NR5A2: variants seen among roughly 807,000 people sequenced by gnomAD.
The protein encoded by NR5A2 is nuclear receptor subfamily 5 group A member 2, also known as CYP7A promoter-binding factor.
A neutral mutation model predicts 62.7 loss-of-function variants in NR5A2; 26 were observed. The observed-to-expected ratio is 0.41, with a 90% CI of 0.30 to 0.58. The LOEUF (loss-of-function observed/expected upper bound fraction) is 0.58, where lower values mean the gene tolerates loss of function less well. Ranked by LOEUF, NR5A2 falls within the 20% of genes least tolerant of loss-of-function variation. NR5A2 has a pLI of 0.22. For synonymous variants in NR5A2, 246 were observed against 241.7 expected, an observed-to-expected ratio of 1.02 and a Z score of -0.16; for missense variants, 541 against 669.1, an observed-to-expected ratio of 0.81 and a Z score of 2.11.
rs1466995209 is a variant in NR5A2, at chr1:200,177,168, T to A, written c.*2958T>A. 6.6e-6 allele frequency: 1 copy of A among 152,666 alleles called. No individual in the cohort carries two copies. Among genetic ancestry groups the A allele is most frequent in the Non-Finnish European group, 1.5e-5 (1 of 68,046 alleles). The allele number at this position is 152,666 out of a possible 1,614,324, so 9.5% of individuals were successfully genotyped here. On this transcript the variant is annotated 3_prime_UTR_variant, in exon 8 of 8. Coordinates refer to ENST00000367362, the MANE Select transcript of NR5A2 (RefSeq NM_205860.3). Reference sequence around the variant, plus strand: ...ATAAAGGTTTTTGGCTTAACTTGGTTTATTATAGTTGCTCTATGTTTGTAA... The same window carrying A: ...ATAAAGGTTTTTGGCTTAACTTGGTATATTATAGTTGCTCTATGTTTGTAA...
intron 5 of NR5A2, chr1:200,057,828 A>G (rs1662988762): frequency 1.3e-5 from 2 of 153,714 alleles, no homozygotes; most frequent in Admixed American, 7.4e-5. Flanking sequence ...ATGGAGTTAC[A>G]CTCTTGTTGC....
chr1:200,164,422 T>C (rs1352747398), intron 7 of NR5A2, among the ~76,000 whole-genome samples: 2 of 152,212 alleles, frequency 1.3e-5, no homozygotes, highest in African/African-American at 4.8e-5. Flanking sequence ...GAGTGGTGGA[T>C]TCATAGGTAT....
chr1:200,046,985 A>T (rs115582861), intron 4 of NR5A2, among the ~76,000 whole-genome samples: 1 of 152,212 alleles, frequency 6.6e-6, no homozygotes, highest in Non-Finnish European at 1.5e-5. Context: ...CAGATGAAAA[A>T]CTCTTTATAA....
chr1:200,036,847 C>T (rs1661802926), intron 1 of NR5A2, among the ~76,000 whole-genome samples: 2 of 152,304 alleles, frequency 1.3e-5, no homozygotes, highest in African/African-American at 4.8e-5. Context: ...CGCTGCTACG[C>T]TTAGGTTTTG....
intron 5 of NR5A2, among the ~76,000 whole-genome samples, chr1:200,104,230 T>C (rs186406018): frequency 5.4e-4 from 83 of 152,322 alleles, no homozygotes; most frequent in Non-Finnish European, 9.8e-4. Flanking sequence ...ATCTATTGAG[T>C]ATTGCAACAA....
At chr1:200,032,020 G>A (rs1320084489) in intron 1 of NR5A2, among the ~76,000 whole-genome samples, 2 of 152,154 alleles carry the variant, frequency 1.3e-5, no homozygotes, top group Non-Finnish European at 2.9e-5. Context: ...TTGAGCATAA[G>A]TTGAGCTAGA....
intron 1 of NR5A2, chr1:200,038,681 T>C (rs748592471): frequency 7.3e-7 from 1 of 1,365,400 alleles, no homozygotes; most frequent in Admixed American, 1.9e-5. Flanking sequence ...CCCCCATCCC[T>C]TCTTCTTGCT....
chr1:200,164,950 C>T (rs1266480620), intron 7 of NR5A2, among the ~76,000 whole-genome samples: 1 of 142,488 alleles, frequency 7.0e-6, no homozygotes, highest in African/African-American at 2.6e-5. Context: ...AATCTCAGCT[C>T]ACTGCAACCT....
chr1:200,118,673 T>C (rs1346193424), intron 6 of NR5A2, among the ~76,000 whole-genome samples: 1 of 152,216 alleles, frequency 6.6e-6, no homozygotes, highest in South Asian at 2.1e-4. Flanking sequence ...GTATTATTAT[T>C]ATCTGAAGTA....
At chr1:200,046,462 A>G (rs1026978471) in intron 4 of NR5A2, among the ~76,000 whole-genome samples, 2 of 152,214 alleles carry the variant, frequency 1.3e-5, no homozygotes, top group African/African-American at 4.8e-5. Flanking sequence ...GGTGCTAGAT[A>G]CAAGAGTGCA....
rs556449968 is a variant in NR5A2 at position 200,129,085 on chromosome 1, G to A, written c.1378+8130G>A. Among the ~76,000 whole-genome samples the A allele has an allele frequency of 9.2e-5, 14 of 152,202 alleles. No homozygotes were observed. In the South Asian group the frequency reaches 2.1e-3, roughly 23 times the overall value. ...AACCTGGCAGAGGTTTGCTGTCAAAGCTCCCTATAGAGTGGTTGGTAAGGC... is the reference window on the plus strand; with the variant it reads ...AACCTGGCAGAGGTTTGCTGTCAAAACTCCCTATAGAGTGGTTGGTAAGGC... On this transcript the variant is annotated intron_variant, in intron 7 of 7. Coordinates refer to ENST00000367362, the MANE Select transcript of NR5A2 (RefSeq NM_205860.3).
chr1:200,095,832 G>A (rs1665070614), intron 5 of NR5A2, among the ~76,000 whole-genome samples: 1 of 152,124 alleles, frequency 6.6e-6, no homozygotes, highest in Non-Finnish European at 1.5e-5. Context: ...GATTACAGGT[G>A]TGAGCCCCCG....
intron 5 of NR5A2, among the ~76,000 whole-genome samples, chr1:200,096,806 T>C (rs950761287): frequency 6.6e-6 from 1 of 152,244 alleles, no homozygotes; most frequent in African/African-American, 2.4e-5. Context: ...CTTACCATTA[T>C]AAGTATTGCA....
chr1:200,068,583 T>C lies in NR5A2; in HGVS notation c.1110+19765T>C, dbSNP rs367952131. 3.2e-3 allele frequency among the ~76,000 whole-genome samples: 493 copies of C among 152,328 alleles called. 2 individuals carry two copies. Among genetic ancestry groups the C allele is most frequent in the Non-Finnish European group, 5.4e-3 (368 of 68,034 alleles). On this transcript the variant is annotated intron_variant, in intron 5 of 7. Transcript: ENST00000367362. ...TCCCAGCTTTGCGGACTCTAAATTT[T>C]ATACAATTTAGGAAGCGCTCAGTGA...
At chr1:200,170,200 C>G (rs1000434250) in intron 7 of NR5A2, among the ~76,000 whole-genome samples, 2 of 152,054 alleles carry the variant, frequency 1.3e-5, no homozygotes, top group Non-Finnish European at 2.9e-5. Flanking sequence ...AGCTACTATC[C>G]ATTACTTAAT....
intron 4 of NR5A2, among the ~76,000 whole-genome samples, chr1:200,046,121 A>AT (rs1178680202): frequency 2.0e-5 from 3 of 152,134 alleles, no homozygotes; most frequent in Non-Finnish European, 4.4e-5. Flanking sequence ...GTAGAAATGT[A>AT]TTTTTTTAAA....
intron 7 of NR5A2, among the ~76,000 whole-genome samples, chr1:200,158,270 A>G (rs994334052): frequency 3.9e-5 from 6 of 152,180 alleles, no homozygotes; most frequent in African/African-American, 1.4e-4. Context: ...TTTTTTTCCA[A>G]TCCAATTAAT....
intron 7 of NR5A2, among the ~76,000 whole-genome samples, chr1:200,163,518 G>T (rs1223550741): frequency 6.7e-6 from 1 of 150,080 alleles, no homozygotes; most frequent in East Asian, 2.0e-4. Context: ...ATCTCACTCT[G>T]TTTCCCAGGC....
At chr1:200,064,597 A>G (rs905835111) in intron 5 of NR5A2, among the ~76,000 whole-genome samples, 1 of 152,166 alleles carries the variant, frequency 6.6e-6, no homozygotes, top group Non-Finnish European at 1.5e-5. Flanking sequence ...ATTTTATTCA[A>G]AGCAAAGGGG....
Sources: gnomAD v4.1 joint callset for allele counts (sites outside exome capture counted in the v4.1 genomes callset) on GRCh38, gnomAD v4.1.1 for gene constraint, MANE v1.5 for transcripts, NCBI Gene and HGNC (gene_info 2026-07-23, HGNC 2026-07-21) for gene names.